RASAL2: variants seen among roughly 807,000 people sequenced by gnomAD.
RASAL2 encodes RAS protein activator like 2.
Under a neutral mutation model 128.9 loss-of-function variants are expected in RASAL2, and 58 were observed. That is an observed-to-expected ratio of 0.45 (90% CI 0.36 to 0.56). RASAL2 has a LOEUF of 0.56. Among genes scored for constraint, RASAL2 ranks in the 20% least tolerant of loss-of-function variants. RASAL2 has a pLI of 0.00. For synonymous variants in RASAL2, 561 were observed against 580.8 expected, an observed-to-expected ratio of 0.97 and a Z score of 0.49; for missense variants, 1,360 against 1,601.6, an observed-to-expected ratio of 0.85 and a Z score of 2.57.
intron 1 of RASAL2, among the ~76,000 whole-genome samples, chr1:178,259,287 C>T (rs909035889): frequency 4.6e-5 from 7 of 151,468 alleles, no homozygotes; most frequent in East Asian, 3.9e-4. Context: ...CCCGCCACCA[C>T]GCCCGGCTAA....
In RASAL2 at chr1:178,443,198, T is replaced by C; in HGVS notation, c.1451T>C (p.Val484Ala). 1.9e-6 allele frequency: 3 copies of C among 1,611,924 alleles called. No individual in the cohort carries two copies. The highest frequency in any genetic ancestry group is 2.5e-6 in the Non-Finnish European group (3 of 1,178,210). Residue 484 changes from valine to alanine, a missense_variant, in exon 8 of 18, where the codon GTG becomes GCG. Physicochemically the swap from Val to Ala is moderately conservative, Grantham distance 64. Transcript: ENST00000367649. The stretch of plus-strand genomic sequence containing the variant: ...AAAGAGGAGTTGGCTTGTGCCTTAG[T>C]GCACATTCTTCAAAGTACTGGCAGA... ...RNKEELACAL[V>A]HILQSTGRAK...
intron 2 of RASAL2, among the ~76,000 whole-genome samples, chr1:178,296,049 G>GTA (rs1324590814): frequency 3.3e-5 from 5 of 151,734 alleles, no homozygotes; most frequent in Non-Finnish European, 7.4e-5. Flanking sequence ...ATGTGTGTGT[G>GTA]TATATATATG....
chr1:178,366,740 T>G (rs1466642386), intron 3 of RASAL2, among the ~76,000 whole-genome samples: 7 of 152,092 alleles, frequency 4.6e-5, no homozygotes, highest in Admixed American at 3.3e-4. Context: ...TGTCCATTAG[T>G]GGAATATTTT....
chr1:178,217,830 T>A (rs1441100237), intron 1 of RASAL2, among the ~76,000 whole-genome samples: 1 of 152,174 alleles, frequency 6.6e-6, no homozygotes, highest in Non-Finnish European at 1.5e-5. Context: ...GACAATGAAG[T>A]TGCCCCATTG....
chr1:178,263,269 G>A (rs1665783122), intron 1 of RASAL2, among the ~76,000 whole-genome samples: 1 of 152,134 alleles, frequency 6.6e-6, no homozygotes, highest in Non-Finnish European at 1.5e-5. Flanking sequence ...ATAATAACAA[G>A]TGCTATTATT....
chr1:178,113,500 G>C (rs1659410328), intron 1 of RASAL2, among the ~76,000 whole-genome samples: 1 of 147,238 alleles, frequency 6.8e-6, no homozygotes, highest in African/African-American at 2.5e-5. Context: ...GTGTGGGCAT[G>C]CATGCCTGCG....
At chr1:178,209,035 T>G (rs1663163964) in intron 1 of RASAL2, among the ~76,000 whole-genome samples, 1 of 152,152 alleles carries the variant, frequency 6.6e-6, no homozygotes, top group African/African-American at 2.4e-5. Flanking sequence ...TTCTGGTGCA[T>G]CTTATTCAAT....
chr1:178,261,699 G>A (rs946093704), intron 1 of RASAL2, among the ~76,000 whole-genome samples: 4 of 152,052 alleles, frequency 2.6e-5, no homozygotes, highest in Middle Eastern at 3.2e-3. Context: ...GGTGGATCAC[G>A]AGATCAGGAG....
chr1:178,159,700 AGGTGGATCACCTGAGGTT>A (rs1351519505), intron 1 of RASAL2, among the ~76,000 whole-genome samples: 1 of 152,042 alleles, frequency 6.6e-6, no homozygotes, highest in East Asian at 1.9e-4. Context: ...AGGCCAAGGT[AGGTGGATCACCTGAGGTT>A]GGAAGTTTGA....
chr1:178,353,629 C>T (rs1468843497), intron 3 of RASAL2, among the ~76,000 whole-genome samples: 1 of 152,176 alleles, frequency 6.6e-6, no homozygotes, highest in Non-Finnish European at 1.5e-5. Context: ...AAGCTTCTTA[C>T]ATATTTTAAG....
At chr1:178,225,529 C>T (rs1025641614) in intron 1 of RASAL2, among the ~76,000 whole-genome samples, 2 of 151,714 alleles carry the variant, frequency 1.3e-5, no homozygotes, top group Non-Finnish European at 2.9e-5. Context: ...TTTCTTGTCA[C>T]TGTTATGAAT....
At chr1:178,231,625 A>T (rs10913520) in intron 1 of RASAL2, among the ~76,000 whole-genome samples, 13,232 of 152,074 alleles carry the variant, frequency 0.087, 616 homozygotes, top group Middle Eastern at 0.14. Context: ...TCACAAAAAT[A>T]CTCACTCACA....
chr1:178,293,692 A>G (rs1373457062), intron 2 of RASAL2, among the ~76,000 whole-genome samples: 1 of 152,210 alleles, frequency 6.6e-6, no homozygotes, highest in Non-Finnish European at 1.5e-5. Context: ...ATCTCTACCT[A>G]TCATTCACTT....
At chr1:178,114,750 C>T (rs1339762963) in intron 1 of RASAL2, among the ~76,000 whole-genome samples, 3 of 152,192 alleles carry the variant, frequency 2.0e-5, no homozygotes, top group African/African-American at 7.2e-5. Flanking sequence ...TCTCGATCTC[C>T]TGACCTCGTG....
chr1:178,287,749 T>C (rs1432965648), intron 2 of RASAL2, among the ~76,000 whole-genome samples: 1 of 152,150 alleles, frequency 6.6e-6, no homozygotes, highest in Non-Finnish European at 1.5e-5. Flanking sequence ...GAATGGAGTA[T>C]GTCCTCACTC....
At chr1:178,164,622 T>C (rs976773410) in intron 1 of RASAL2, among the ~76,000 whole-genome samples, 1 of 151,972 alleles carries the variant, frequency 6.6e-6, no homozygotes, top group African/African-American at 2.4e-5. Context: ...ATACAGGATT[T>C]TTTTCTCTGT....
rs1572100674 is a variant in RASAL2 at position 178,452,268 on chromosome 1, A to G, written c.1773-148A>G. The G allele has an allele frequency of 7.2e-6, 5 of 692,032 alleles. No homozygotes were observed. In the East Asian group the frequency reaches 1.0e-4, roughly 14 times the overall value. 42.9% of individuals were successfully genotyped at this position (692,032 alleles called of 1,614,324 possible). A position where few individuals can be genotyped will look rare whatever the true frequency, so the allele number is the denominator to read the frequency against. On this transcript the variant is annotated intron_variant, in intron 10 of 17. Transcript: ENST00000367649. Reference sequence around the variant, plus strand: ...ATTTTCCACCGCCTCTCAGCCATGAATCAGGTAAAACCTCATCCCGGAATT... The same window carrying G: ...ATTTTCCACCGCCTCTCAGCCATGAGTCAGGTAAAACCTCATCCCGGAATT...
chr1:178,366,839 T>A (rs1671431036), intron 3 of RASAL2, among the ~76,000 whole-genome samples: 1 of 152,090 alleles, frequency 6.6e-6, no homozygotes, highest in African/African-American at 2.4e-5. Context: ...ATTATATGAT[T>A]TCAGTTGTAT....
At chr1:178,319,978 G>A (rs1294779501) in intron 3 of RASAL2, among the ~76,000 whole-genome samples, 1 of 151,870 alleles carries the variant, frequency 6.6e-6, no homozygotes, top group Non-Finnish European at 1.5e-5. Context: ...TTTCGGTGTG[G>A]ATGTCCTTTC....
Sources: gnomAD v4.1 joint callset for allele counts (sites outside exome capture counted in the v4.1 genomes callset) on GRCh38, gnomAD v4.1.1 for gene constraint, MANE v1.5 for transcripts, NCBI Gene and HGNC (gene_info 2026-07-23, HGNC 2026-07-21) for gene names.